The following SCD5 variants were observed in gnomAD, a reference collection of about 807,000 sequenced individuals.
SCD5 encodes the protein stearoyl-CoA desaturase 5.
Under a neutral mutation model 30.4 loss-of-function variants are expected in SCD5, and 20 were observed. The observed-to-expected ratio is 0.66, with a 90% CI of 0.46 to 0.96. SCD5 has a LOEUF of 0.96. Among genes scored for constraint, SCD5 ranks in the 40% least tolerant of loss-of-function variants. The probability of loss-of-function intolerance (pLI) is 0.00; values close to 1 mark genes in which losing one functional copy is unlikely to be tolerated. For missense variants in SCD5, 381 were observed against 443.3 expected (o/e 0.86, Z 1.26); for synonymous variants, 173 against 176.4 (o/e 0.98, Z 0.16).
intron 2 of SCD5, among the ~76,000 whole-genome samples, chr4:82,688,845 G>T (rs974141779): frequency 5.9e-5 from 9 of 152,128 alleles, no homozygotes; most frequent in African/African-American, 2.2e-4. Context: ...TTAACAACGA[G>T]AATGTATTCA....
chr4:82,760,222 C>G lies in SCD5; in HGVS notation c.232+38084G>C, dbSNP rs189960468. 2.4e-3 allele frequency among the ~76,000 whole-genome samples: 372 copies of G among 152,264 alleles called. 2 individuals carry two copies. The highest frequency in any genetic ancestry group is 8.5e-3 in the African/African-American group (354 of 41,562). ...GGATTGTCTAAACTCCCTGTGTTAA[C>G]CTTCACAGTCCTGACAACCTGAGCC... On this transcript the variant is annotated intron_variant, in intron 1 of 4. Coordinates refer to ENST00000319540, the MANE Select transcript of SCD5 (RefSeq NM_001037582.3).
intron 2 of SCD5, among the ~76,000 whole-genome samples, chr4:82,693,400 A>G (rs1188634379): frequency 6.6e-6 from 1 of 152,096 alleles, no homozygotes; most frequent in Admixed American, 6.5e-5. Flanking sequence ...TATATCTTGA[A>G]TCTGCACACT....
At chr4:82,659,426 A>T (rs898029699) in intron 3 of SCD5, among the ~76,000 whole-genome samples, 1 of 151,920 alleles carries the variant, frequency 6.6e-6, no homozygotes. Flanking sequence ...TGATATTAGG[A>T]TGTCAATTTT....
intron 1 of SCD5, among the ~76,000 whole-genome samples, chr4:82,745,035 T>C (rs1371999419): frequency 6.6e-6 from 1 of 152,094 alleles, no homozygotes; most frequent in African/African-American, 2.4e-5. Flanking sequence ...ATGGAAAAAG[T>C]GCTAAGTGCT....
chr4:82,661,409 G>T (rs544251273), intron 3 of SCD5, among the ~76,000 whole-genome samples: 5 of 152,296 alleles, frequency 3.3e-5, no homozygotes, highest in African/African-American at 1.2e-4. Context: ...CTGACGAGGG[G>T]TCTCATAATA....
chr4:82,671,452 C>T (rs1252498149), intron 3 of SCD5, among the ~76,000 whole-genome samples: 1 of 152,160 alleles, frequency 6.6e-6, no homozygotes, highest in Non-Finnish European at 1.5e-5. Context: ...TCTTCTCAAG[C>T]TCACATAGAA....
chr4:82,776,075 C>T (rs1578063775), intron 1 of SCD5: 1 of 164,616 alleles, frequency 6.1e-6, no homozygotes, highest in East Asian at 1.6e-4. Flanking sequence ...CACGTGCTGC[C>T]CCACAACCTC....
chr4:82,678,083 T>C (rs1728473928), intron 3 of SCD5, among the ~76,000 whole-genome samples: 1 of 152,088 alleles, frequency 6.6e-6, no homozygotes, highest in East Asian at 1.9e-4. Context: ...GGGTGACCTC[T>C]ATAGTTTAGA....
intron 3 of SCD5, among the ~76,000 whole-genome samples, chr4:82,655,810 C>T (rs1463502546): frequency 3.9e-5 from 6 of 152,242 alleles, no homozygotes; most frequent in African/African-American, 1.2e-4. Context: ...TCTGGGCCTA[C>T]ATTTTGCTAA....
At chr4:82,692,932 G>A (rs1231158169) in intron 2 of SCD5, among the ~76,000 whole-genome samples, 1 of 152,138 alleles carries the variant, frequency 6.6e-6, no homozygotes. Context: ...TAGGATCCAC[G>A]AGCCAGGGGG....
At chr4:82,738,047 C>T (rs773017732) in intron 1 of SCD5, among the ~76,000 whole-genome samples, 1 of 150,916 alleles carries the variant, frequency 6.6e-6, no homozygotes, top group South Asian at 2.1e-4. Context: ...AAGAGCTGTA[C>T]AAAATACTTA....
chr4:82,633,235 T>C (rs1727358447), intron 4 of SCD5, among the ~76,000 whole-genome samples: 1 of 152,188 alleles, frequency 6.6e-6, no homozygotes, highest in African/African-American at 2.4e-5. Context: ...TCGTGCAGCG[T>C]TTGTCTTTCT....
At chr4:82,646,840 T>C (rs1345372279) in intron 3 of SCD5, among the ~76,000 whole-genome samples, 2 of 152,270 alleles carry the variant, frequency 1.3e-5, no homozygotes, top group Admixed American at 1.3e-4. Flanking sequence ...TTCCCCCTTT[T>C]GAGACGGAGT....
At chr4:82,646,314 A>C (rs914129037) in intron 3 of SCD5, among the ~76,000 whole-genome samples, 4 of 152,202 alleles carry the variant, frequency 2.6e-5, no homozygotes, top group Non-Finnish European at 4.4e-5. Context: ...ATATGCCCTG[A>C]CAGTTTGCAA....
intron 1 of SCD5, among the ~76,000 whole-genome samples, chr4:82,750,984 C>A (rs1721090292): frequency 6.6e-6 from 1 of 152,186 alleles, no homozygotes; most frequent in South Asian, 2.1e-4. Context: ...CCTCTCACAG[C>A]ACTTACATAT....
In SCD5 at chr4:82,720,446, A is replaced by C. The variant is rs868841627; in HGVS notation, c.233-15033T>G. On this transcript the variant is annotated intron_variant, in intron 1 of 4. Transcript: ENST00000319540. ...TGTCTCAAAAAAGGCAAAAATAAAAAAAAAAAAAAAAAAAAAAGACAAAAG... is the reference window on the plus strand; with the variant it reads ...TGTCTCAAAAAAGGCAAAAATAAAACAAAAAAAAAAAAAAAAAGACAAAAG... Among the ~76,000 whole-genome samples, 10 of 147,932 alleles carry C rather than the reference A, an allele frequency of 6.8e-5. 1 individual carries two copies. Among genetic ancestry groups the C allele is most frequent in the African/African-American group, 2.1e-4 (8 of 38,802 alleles).
At chr4:82,653,707 T>TAGATAGATATAG (rs34976357) in intron 3 of SCD5, among the ~76,000 whole-genome samples, 4,203 of 61,438 alleles carry the variant, frequency 0.068, 90 homozygotes, top group African/African-American at 0.15. Flanking sequence ...GATAGATAGA[T>TAGATAGATATAG]ATAGATAGAT....
intron 1 of SCD5, among the ~76,000 whole-genome samples, chr4:82,758,483 T>C (rs1247924892): frequency 6.6e-6 from 1 of 152,102 alleles, no homozygotes; most frequent in Non-Finnish European, 1.5e-5. Flanking sequence ...ATCATTTTAA[T>C]TTCATTTCCT....
At chr4:82,634,054 G>C (rs72911234) in intron 4 of SCD5, among the ~76,000 whole-genome samples, 7,761 of 152,140 alleles carry the variant, frequency 0.051, 244 homozygotes, top group South Asian at 0.14. Context: ...TGTTTTCAAG[G>C]TTCATTCATT....
Sources: gnomAD v4.1 joint callset for allele counts (sites outside exome capture counted in the v4.1 genomes callset) on GRCh38, gnomAD v4.1.1 for gene constraint, MANE v1.5 for transcripts, NCBI Gene and HGNC (gene_info 2026-07-23, HGNC 2026-07-21) for gene names.